STK33: variants seen among roughly 807,000 people sequenced by gnomAD.
STK33 encodes serine/threonine-protein kinase 33.
A neutral mutation model predicts 58.0 loss-of-function variants in STK33; 52 were observed. That is an observed-to-expected ratio of 0.90 (90% CI 0.72 to 1.13). STK33 has a LOEUF of 1.13. Ranked by LOEUF, STK33 falls within the 50% of genes most tolerant of loss-of-function variation. STK33 has a pLI of 0.00. For synonymous variants in STK33, 215 were observed against 200.1 expected (o/e 1.07, Z -0.63); for missense variants, 630 against 604.2 (o/e 1.04, Z -0.45).
intron 1 of STK33, among the ~76,000 whole-genome samples, chr11:8,549,076 T>G (rs1048858048): frequency 6.6e-6 from 1 of 152,188 alleles, no homozygotes; most frequent in African/African-American, 2.4e-5. Context: ...AAAAAACTGT[T>G]AGAACTGATA....
intron 7 of STK33, among the ~76,000 whole-genome samples, chr11:8,463,415 G>A (rs528710049): frequency 2.0e-5 from 3 of 152,294 alleles, no homozygotes; most frequent in Middle Eastern, 6.8e-3. Flanking sequence ...ACAGGAGGCA[G>A]AGATCAGGTG....
chr11:8,470,565 G>C (rs1948680911), intron 6 of STK33, among the ~76,000 whole-genome samples: 1 of 152,130 alleles, frequency 6.6e-6, no homozygotes, highest in Non-Finnish European at 1.5e-5. Flanking sequence ...TGGTGCAAGA[G>C]GCCTAGCTTT....
At chr11:8,420,481 TGA>T (rs1416692516) in intron 14 of STK33, among the ~76,000 whole-genome samples, 1 of 152,186 alleles carries the variant, frequency 6.6e-6, no homozygotes, top group Non-Finnish European at 1.5e-5. Context: ...GAATTTCTAG[TGA>T]GAGGTATAGC....
chr11:8,469,437 T>C (rs1362604841), intron 6 of STK33, among the ~76,000 whole-genome samples: 3 of 152,236 alleles, frequency 2.0e-5, no homozygotes, highest in African/African-American at 4.8e-5. Context: ...GCTCCACTTC[T>C]AGTTCTCTTG....
chr11:8,515,310 T>C (rs1485612825), intron 1 of STK33, among the ~76,000 whole-genome samples: 2 of 152,102 alleles, frequency 1.3e-5, no homozygotes, highest in Non-Finnish European at 2.9e-5. Context: ...CTGGATAACC[T>C]AGAAGAAACA....
the STK33 span, among the ~76,000 whole-genome samples, chr11:8,338,908 G>A: frequency 2.6e-5 from 4 of 152,210 alleles, no homozygotes; most frequent in East Asian, 5.8e-4. Flanking sequence ...CTTAGTGGGT[G>A]TTTGTTGAAT....
chr11:8,381,339 A>G, the STK33 span, among the ~76,000 whole-genome samples: 2 of 152,190 alleles, frequency 1.3e-5, no homozygotes, highest in East Asian at 3.9e-4. Flanking sequence ...CATAATTAGT[A>G]AGGGGTATTC....
rs555093557 is a variant in STK33, at chr11:8,434,777, T to C, written c.1146+717A>G. On this transcript the variant is annotated intron_variant, in intron 14 of 15. Transcript: ENST00000687296. ...TCCATTTAAGGACACTTCCCAGAAA[T>C]TGCACCCACTTCGACTTGCATCTCA... 5.9e-5 allele frequency among the ~76,000 whole-genome samples: 9 copies of C among 152,224 alleles called. No homozygotes were observed. In the South Asian group the frequency reaches 1.0e-3, roughly 18 times the overall value.
chr11:8,465,761 T>C (rs1948106427), intron 6 of STK33: 3 of 152,788 alleles, frequency 2.0e-5, no homozygotes, highest in African/African-American at 4.8e-5. Context: ...TCTCTCTGTA[T>C]GTGTGATCAC....
At chr11:8,405,155 T>C (rs1938882617) in intron 15 of STK33, among the ~76,000 whole-genome samples, 2 of 152,088 alleles carry the variant, frequency 1.3e-5, no homozygotes, top group Admixed American at 1.3e-4. Flanking sequence ...AAAAAGTAAA[T>C]GCCAAACTAT....
At chr11:8,556,050 T>C (rs948317681) in intron 1 of STK33, among the ~76,000 whole-genome samples, 1 of 152,010 alleles carries the variant, frequency 6.6e-6, no homozygotes, top group South Asian at 2.1e-4. Flanking sequence ...AGAGAAGCAA[T>C]GTAAGTGAAG....
At chr11:8,578,457 C>A (rs1958337878) in intron 1 of STK33, among the ~76,000 whole-genome samples, 2 of 151,862 alleles carry the variant, frequency 1.3e-5, no homozygotes, top group South Asian at 4.1e-4. Context: ...TCTTCAACTG[C>A]AACAATATCT....
Position 8,397,192 on chromosome 11 carries a change from C to T in STK33, c.1345-4482G>A, listed in dbSNP as rs1337774591. On this transcript the variant is annotated intron_variant, in intron 15 of 15. Transcript: ENST00000687296. ...AAGTGGGTCCCTGACCCCTGAGTAG[C>T]CTAACTGGGAGGCACCCCCAAGTAG... Among the ~76,000 whole-genome samples the T allele has an allele frequency of 8.5e-5, 13 of 152,216 alleles. No homozygotes were observed. The South Asian group carries it at 2.1e-3, about 24-fold the overall frequency.
intron 11 of STK33, among the ~76,000 whole-genome samples, chr11:8,451,440 C>G (rs992207896): frequency 6.6e-6 from 1 of 152,056 alleles, no homozygotes; most frequent in Admixed American, 6.6e-5. Flanking sequence ...ACAACATGAA[C>G]GTACCTCAAA....
At chr11:8,430,152 T>C (rs1943247623) in intron 14 of STK33, among the ~76,000 whole-genome samples, 1 of 152,196 alleles carries the variant, frequency 6.6e-6, no homozygotes, top group Non-Finnish European at 1.5e-5. Flanking sequence ...ACCTTCCTTT[T>C]CAACATAATT....
downstream of STK33, among the ~76,000 whole-genome samples, chr11:8,388,321 T>C (rs1426675092): frequency 1.3e-5 from 2 of 152,184 alleles, no homozygotes; most frequent in African/African-American, 4.8e-5. Flanking sequence ...AGCACAGAGT[T>C]GAGCTGATTA....
At chr11:8,454,033 T>C (rs1379585250) in intron 10 of STK33, among the ~76,000 whole-genome samples, 1 of 152,224 alleles carries the variant, frequency 6.6e-6, no homozygotes, top group Non-Finnish European at 1.5e-5. Context: ...GAATAAGACA[T>C]GCACAATTCT....
intron 15 of STK33, among the ~76,000 whole-genome samples, chr11:8,406,616 T>C (rs1939259457): frequency 6.6e-6 from 1 of 152,214 alleles, no homozygotes; most frequent in Non-Finnish European, 1.5e-5. Context: ...CTAAGTGTTT[T>C]ATGTTTTGTG....
At chr11:8,572,986 A>T (rs1315684743) in intron 1 of STK33, among the ~76,000 whole-genome samples, 1 of 152,142 alleles carries the variant, frequency 6.6e-6, no homozygotes, top group Non-Finnish European at 1.5e-5. Flanking sequence ...CAGAAAAAAG[A>T]GGTGAAGTAT....
Sources: allele counts gnomAD v4.1 joint callset (sites outside exome capture counted in the v4.1 genomes callset), GRCh38; gene constraint gnomAD v4.1.1; transcripts MANE v1.5; gene names NCBI Gene and HGNC (gene_info 2026-07-23, HGNC 2026-07-21).